PROM1: variants seen among roughly 807,000 people sequenced by gnomAD.
The protein encoded by PROM1 is prominin-1.
Under a neutral mutation model 116.9 loss-of-function variants are expected in PROM1, and 105 were observed. The ratio of observed to expected loss-of-function variants is 0.90; its 90% confidence interval spans 0.77 to 1.06. The LOEUF (loss-of-function observed/expected upper bound fraction) is 1.06. Among genes scored for constraint, PROM1 ranks in the 50% least tolerant of loss-of-function variants. The probability of loss-of-function intolerance (pLI) is 0.00; values close to 1 mark genes in which losing one functional copy is unlikely to be tolerated. For synonymous variants in PROM1, 393 were observed against 387.0 expected (o/e 1.02, Z -0.18); for missense variants, 1,122 against 1,045.2 (o/e 1.07, Z -1.01).
At chr4:16,032,549 C>G (rs545767604) in intron 5 of PROM1, among the ~76,000 whole-genome samples, 7 of 152,332 alleles carry the variant, frequency 4.6e-5, no homozygotes, top group African/African-American at 1.7e-4. Context: ...TTGATTTCTG[C>G]TGCTGCATGA....
At chr4:15,975,195 C>T (rs1410297317) in intron 26 of PROM1, among the ~76,000 whole-genome samples, 5 of 152,190 alleles carry the variant, frequency 3.3e-5, no homozygotes, top group Non-Finnish European at 7.3e-5. Flanking sequence ...ATTGAACCCT[C>T]ACAACCCTAC....
chr4:16,038,685 G>A (rs1476391038), intron 3 of PROM1, among the ~76,000 whole-genome samples: 4 of 152,208 alleles, frequency 2.6e-5, no homozygotes, highest in African/African-American at 9.6e-5. Flanking sequence ...ACAGGCGTGA[G>A]CCACCACACC....
rs368615249 is a variant in PROM1 at position 16,018,517 on chromosome 4, A to G, written c.808T>C (p.Leu270=). Residue 270 remains leucine, a synonymous_variant, in exon 9 of 28, where the codon TTG becomes CTG. Transcript: ENST00000447510. ...ATAIKETKEA[L]ENMNSTLKSL... The stretch of plus-strand genomic sequence containing the variant: ...TTCAAGGTGCTGTTCATGTTCTCCA[A>G]CGCCTCTTTGGTCTCCTTGATCGCT... The G allele has an allele frequency of 1.2e-5, 20 of 1,610,424 alleles. No homozygotes were observed. Among genetic ancestry groups the G allele is most frequent in the African/African-American group, 2.7e-5 (2 of 74,820 alleles).
intron 11 of PROM1, among the ~76,000 whole-genome samples, 178 bp from the exon 12 acceptor site, chr4:16,009,286 T>C (rs972367559): frequency 3.9e-5 from 6 of 152,184 alleles, no homozygotes; most frequent in African/African-American, 1.4e-4. Context: ...CGAAAAGCAA[T>C]TACTTAACAA....
intron 16 of PROM1, among the ~76,000 whole-genome samples, chr4:15,992,913 G>C (rs972866019): frequency 2.0e-5 from 3 of 152,166 alleles, no homozygotes; most frequent in Non-Finnish European, 2.9e-5. Context: ...ATGGAAACAC[G>C]GTTGGTGATT....
intron 22 of PROM1, chr4:15,985,495 C>A: frequency 2.3e-6 from 1 of 435,860 alleles, no homozygotes; most frequent in South Asian, 2.9e-5. Context: ...AATTTGTTAC[C>A]TGGCCCCTTT....
chr4:16,023,107 G>C (rs887223455), intron 8 of PROM1, among the ~76,000 whole-genome samples: 25 of 152,156 alleles, frequency 1.6e-4, no homozygotes, highest in Admixed American at 4.6e-4. Context: ...AACAAATTCC[G>C]CCCTATCATC....
chr4:16,031,143 T>C (rs1339054568), intron 5 of PROM1, among the ~76,000 whole-genome samples: 1 of 152,236 alleles, frequency 6.6e-6, no homozygotes, highest in Non-Finnish European at 1.5e-5. Flanking sequence ...AGAATTTTCC[T>C]GAAATTATAC....
intron 1 of PROM1, among the ~76,000 whole-genome samples, chr4:16,077,821 G>A (rs747510139): frequency 5.9e-5 from 9 of 152,078 alleles, no homozygotes; most frequent in South Asian, 2.1e-4. Context: ...TCTCTTTGCC[G>A]CTGGAGATAT....
chr4:16,039,031 TA>T (rs1734581748), intron 2 of PROM1, 30 bp from the exon 3 acceptor site: 1 of 1,445,360 alleles, frequency 6.9e-7, no homozygotes. Flanking sequence ...ATAGCAATAT[TA>T]TTTTTTCAGT....
At chr4:16,052,248 C>T (rs1041234478) in intron 2 of PROM1, among the ~76,000 whole-genome samples, 1 of 152,180 alleles carries the variant, frequency 6.6e-6, no homozygotes, top group African/African-American at 2.4e-5. Flanking sequence ...ACTGCTTCTA[C>T]ATCTCCACGT....
chr4:16,016,272 G>A, intron 9 of PROM1, 32 bp from the exon 10 acceptor site: 6 of 1,501,070 alleles, frequency 4.0e-6, no homozygotes, highest in Non-Finnish European at 5.4e-6. Flanking sequence ...TATAAGACAA[G>A]GTTGTTACCT....
In PROM1 at chr4:16,016,233, G is replaced by A; in HGVS notation, c.1010C>T (p.Pro337Leu). The A allele has an allele frequency of 1.3e-6, 2 of 1,548,862 alleles. No homozygotes were observed. The highest frequency in any genetic ancestry group is 1.7e-6 in the Non-Finnish European group (2 of 1,146,348). Residue 337 changes from proline to leucine, a missense_variant, in exon 10 of 28, where the codon CCC (proline) becomes CTC (leucine). Pro to Leu is a moderately conservative substitution (Grantham distance 98). Coordinates refer to ENST00000447510, the MANE Select transcript of PROM1 (RefSeq NM_006017.3). ...NSNPELRQLP[P>L]VDAELDNVNN... Reference sequence around the variant, plus strand: ...AACGTTGTCAAGTTCTGCATCCACGGGTGGAAGCTGAAAATTTATAAAACA... The same window carrying A: ...AACGTTGTCAAGTTCTGCATCCACGAGTGGAAGCTGAAAATTTATAAAACA...
At chr4:16,064,895 A>G (rs1741163199) in intron 2 of PROM1, among the ~76,000 whole-genome samples, 1 of 152,164 alleles carries the variant, frequency 6.6e-6, no homozygotes, top group Non-Finnish European at 1.5e-5. Flanking sequence ...CACCATCTCA[A>G]AAAAAAGAAA....
chr4:16,023,251 A>G, intron 8 of PROM1, 75 bp downstream of exon 8: 1 of 1,321,526 alleles, frequency 7.6e-7, no homozygotes, highest in Non-Finnish European at 1.1e-6. Flanking sequence ...GGGAACAAGA[A>G]AAGAGTGAGC....
chr4:16,013,213 G>C (rs1727363313), intron 11 of PROM1, 62 bp downstream of exon 11: 1 of 1,307,332 alleles, frequency 7.6e-7, no homozygotes, highest in South Asian at 1.3e-5. Context: ...TGCAATACTT[G>C]GCAACACATT....
At chr4:16,011,499 C>G (rs1038844181) in intron 11 of PROM1, among the ~76,000 whole-genome samples, 3 of 152,244 alleles carry the variant, frequency 2.0e-5, no homozygotes, top group African/African-American at 7.2e-5. Context: ...TCTAGGAAGA[C>G]ACTGGCTTGT....
At chr4:16,058,789 T>TA (rs1388645646) in intron 2 of PROM1, among the ~76,000 whole-genome samples, 3 of 151,468 alleles carry the variant, frequency 2.0e-5, no homozygotes, top group Non-Finnish European at 4.4e-5. Flanking sequence ...CTCAAAAGGC[T>TA]AAAAAAAAGT....
At chr4:16,062,379 T>A (rs1292278983) in intron 2 of PROM1, among the ~76,000 whole-genome samples, 2 of 152,190 alleles carry the variant, frequency 1.3e-5, no homozygotes, top group African/African-American at 4.8e-5. Context: ...AACATTGGGT[T>A]TGCTCCCAGG....
Sources: allele counts gnomAD v4.1 joint callset (sites outside exome capture counted in the v4.1 genomes callset), GRCh38; gene constraint gnomAD v4.1.1; transcripts MANE v1.5; gene names NCBI Gene and HGNC (gene_info 2026-07-23, HGNC 2026-07-21).